The following MTA3 variants were observed in gnomAD, a reference collection of about 807,000 sequenced individuals.
MTA3 encodes metastasis-associated protein MTA3.
Under a neutral mutation model 83.5 loss-of-function variants are expected in MTA3, and 34 were observed. The observed-to-expected ratio is 0.41, with a 90% CI of 0.31 to 0.54. The LOEUF (loss-of-function observed/expected upper bound fraction) is 0.54, where lower values mean the gene tolerates loss of function less well. Among genes scored for constraint, MTA3 ranks in the 20% least tolerant of loss-of-function variants. MTA3 has a pLI of 0.33. For synonymous variants in MTA3, 303 were observed against 252.7 expected, an observed-to-expected ratio of 1.20 and a Z score of -1.89; for missense variants, 761 against 726.4, an observed-to-expected ratio of 1.05 and a Z score of -0.55.
At chr2:42,533,807 G>C (rs1367279097) in intron 2 of MTA3, among the ~76,000 whole-genome samples, 1 of 143,814 alleles carries the variant, frequency 7.0e-6, no homozygotes, top group African/African-American at 2.6e-5. Context: ...ACTCCAGCCT[G>C]GGTGACAGAG....
chr2:42,634,176 A>G (rs1686964833), intron 4 of MTA3, among the ~76,000 whole-genome samples: 1 of 152,184 alleles, frequency 6.6e-6, no homozygotes, highest in Non-Finnish European at 1.5e-5. Flanking sequence ...AATGTCCACC[A>G]GTGGTGCCGA....
At chr2:42,738,154 C>T (rs772097429) in intron 16 of MTA3, among the ~76,000 whole-genome samples, 11 of 152,108 alleles carry the variant, frequency 7.2e-5, no homozygotes, top group East Asian at 5.8e-4. Context: ...CCCAGCTACT[C>T]GGGAGGCTGA....
At chr2:42,705,230 C>A (rs549538125) in intron 12 of MTA3, among the ~76,000 whole-genome samples, 20 of 152,176 alleles carry the variant, frequency 1.3e-4, no homozygotes, top group Admixed American at 4.6e-4. Context: ...CATTTTTTTG[C>A]AGCATGGGAG....
At chr2:42,661,189 T>A (rs13417635) in intron 8 of MTA3, among the ~76,000 whole-genome samples, 160 of 152,310 alleles carry the variant, frequency 1.1e-3, no homozygotes, top group African/African-American at 3.6e-3. Context: ...TTCGAGAATA[T>A]TTTATCAGAG....
intron 16 of MTA3, among the ~76,000 whole-genome samples, chr2:42,747,530 G>C (rs1669531100): frequency 6.6e-6 from 1 of 151,962 alleles, no homozygotes; most frequent in Non-Finnish European, 1.5e-5. Flanking sequence ...AGGTCAAGGA[G>C]AGAGACTCTG....
At position 42,582,261 on chromosome 2, in the gene MTA3, C is replaced by T. The variant is rs190825627; in HGVS notation, c.190+3061C>T. On this transcript the variant is annotated intron_variant, in intron 3 of 16. Coordinates refer to ENST00000405094, the MANE Select transcript of MTA3 (RefSeq NM_001330442.2). ...TTTCAGTAGAGACGGGGTTTCACCGCGTTAGCCAGGATGGTCTCGATCTCC... is the reference window on the plus strand; with the variant it reads ...TTTCAGTAGAGACGGGGTTTCACCGTGTTAGCCAGGATGGTCTCGATCTCC... Among the ~76,000 whole-genome samples the T allele has an allele frequency of 5.4e-3, 815 of 152,058 alleles. 3 individuals are homozygous for T. The highest frequency in any genetic ancestry group is 0.018 in the African/African-American group (736 of 41,484).
In MTA3 at chr2:42,705,646, C is replaced by T. The variant is rs577532339; in HGVS notation, c.1150+1328C>T. On this transcript the variant is annotated intron_variant, in intron 12 of 16. Coordinates refer to ENST00000405094, the MANE Select transcript of MTA3 (RefSeq NM_001330442.2). ...GCTTGAACCCAGGAGGCAGAGGTTG[C>T]AGTGAGCTGAGATTGCACCATTGCA... Among the ~76,000 whole-genome samples the T allele has an allele frequency of 7.2e-4, 110 of 152,190 alleles. 1 individual carries two copies. The highest frequency in any genetic ancestry group is 1.4e-4 in the African/African-American group (6 of 41,534).
chr2:42,545,280 G>A (rs1572957222), intron 2 of MTA3, among the ~76,000 whole-genome samples: 1 of 151,040 alleles, frequency 6.6e-6, no homozygotes, highest in Admixed American at 6.6e-5. Context: ...TGGGAGGCTG[G>A]GGTGAGAGGA....
intron 2 of MTA3, among the ~76,000 whole-genome samples, chr2:42,505,770 A>AT (rs370638507): frequency 0.13 from 18,282 of 139,040 alleles, 1,971 homozygotes; most frequent in African/African-American, 0.26. Flanking sequence ...CAAATTGATA[A>AT]TTTTTTTTTT....
chr2:42,654,052 T>C (rs577880139), intron 6 of MTA3, among the ~76,000 whole-genome samples: 3 of 152,370 alleles, frequency 2.0e-5, no homozygotes, highest in African/African-American at 4.8e-5. Context: ...TGTCTTGGCA[T>C]GCTAAGAATT....
chr2:42,548,829 A>ATT (rs1491392121), intron 2 of MTA3, among the ~76,000 whole-genome samples: 1 of 8,590 alleles, frequency 1.2e-4, no homozygotes, highest in Non-Finnish European at 2.8e-4. Context: ...ATATATATAT[A>ATT]ATATATATAT....
intron 3 of MTA3, among the ~76,000 whole-genome samples, chr2:42,602,205 G>C (rs1395217187): frequency 6.6e-6 from 1 of 151,934 alleles, no homozygotes; most frequent in Non-Finnish European, 1.5e-5. Context: ...TGGATCTCCT[G>C]GGCTCAAGCT....
intron 2 of MTA3, among the ~76,000 whole-genome samples, chr2:42,552,360 A>G (rs113975559): frequency 8.5e-5 from 13 of 152,338 alleles, no homozygotes; most frequent in African/African-American, 2.9e-4. Context: ...AATGAATAAT[A>G]CAAGTGAATC....
At chr2:42,543,725 G>T (rs192198108) in intron 2 of MTA3, among the ~76,000 whole-genome samples, 1 of 148,278 alleles carries the variant, frequency 6.7e-6, no homozygotes, top group Non-Finnish European at 1.5e-5. Context: ...GCCTCAAGCA[G>T]TCCTCCCTCC....
At chr2:42,638,156 T>TC (rs994145424) in intron 4 of MTA3, among the ~76,000 whole-genome samples, 1 of 152,186 alleles carries the variant, frequency 6.6e-6, no homozygotes, top group African/African-American at 2.4e-5. Flanking sequence ...GATTTTTTTT[T>TC]CTAGGTGATT....
At chr2:42,521,753 T>C (rs979108211) in intron 2 of MTA3, among the ~76,000 whole-genome samples, 33 of 70,450 alleles carry the variant, frequency 4.7e-4, no homozygotes, top group Non-Finnish European at 7.2e-4. Flanking sequence ...CTTTCTCTCT[T>C]TTTTTTTTTT....
chr2:42,610,985 T>G (rs1687501307), intron 4 of MTA3, among the ~76,000 whole-genome samples: 1 of 148,466 alleles, frequency 6.7e-6, no homozygotes. Flanking sequence ...TTCTTTTCTT[T>G]TTTTTTTTTT....
At chr2:42,504,531 C>T (rs1674543195) in intron 2 of MTA3, among the ~76,000 whole-genome samples, 2 of 152,200 alleles carry the variant, frequency 1.3e-5, no homozygotes, top group Non-Finnish European at 2.9e-5. Context: ...TGAGCCACCA[C>T]ACCAAGCCCC....
chr2:42,518,053 G>C (rs1348320160), intron 2 of MTA3, among the ~76,000 whole-genome samples: 1 of 151,294 alleles, frequency 6.6e-6, no homozygotes, highest in African/African-American at 2.4e-5. Flanking sequence ...AGATGTGGTG[G>C]CAGGCACCTC....
Sources: allele counts gnomAD v4.1 joint callset (sites outside exome capture counted in the v4.1 genomes callset), GRCh38; gene constraint gnomAD v4.1.1; transcripts MANE v1.5; gene names NCBI Gene and HGNC (gene_info 2026-07-23, HGNC 2026-07-21).